Variants in SLC43A2 observed in about 807,000 individuals in gnomAD.
SLC43A2 encodes the protein solute carrier family 43 member 2, also known as large neutral amino acids transporter small subunit 4.
In SLC43A2, 38 loss-of-function variants were observed where a neutral mutation model predicts 63.2. The ratio of observed to expected loss-of-function variants is 0.60; its 90% CI spans 0.46 to 0.79. The LOEUF (loss-of-function observed/expected upper bound fraction) is 0.79, where lower values mean the gene tolerates loss of function less well. Among genes scored for constraint, SLC43A2 ranks in the 30% least tolerant of loss-of-function variants. The probability of loss-of-function intolerance (pLI) is 0.00; values close to 1 mark genes in which losing one functional copy is unlikely to be tolerated. For synonymous variants in SLC43A2, 322 were observed against 331.0 expected, an observed-to-expected ratio of 0.97 and a Z score of 0.30; for missense variants, 644 against 756.2, an observed-to-expected ratio of 0.85 and a Z score of 1.74.
chr17:1,591,204 T>C, intron 8 of SLC43A2, 65 bp downstream of exon 8: 5 of 1,568,370 alleles, frequency 3.2e-6, no homozygotes, highest in Non-Finnish European at 4.3e-6. Context: ...GAGGTGGGAA[T>C]GGGGTGAGCC....
chr17:1,591,299 G>A lies in SLC43A2; in HGVS notation c.901C>T (p.Leu301=). Residue 301 remains leucine (L), a synonymous_variant, in exon 8 of 14, where the codon CTG becomes TTG. Transcript: ENST00000301335. ...GHKLCLSTVD[L]EVKCQPDAAV... is the part of the protein sequence containing the mutation. ...GCATCCGGCTGGCACTTCACCTCCA[G>A]GTCGACGGTGGACAGGCACAGCTTG... 3.1e-6 allele frequency: 5 copies of A among 1,606,592 alleles called. No individual in the cohort carries two copies. The highest frequency in any genetic ancestry group is 4.2e-6 in the Non-Finnish European group (5 of 1,179,922).
chr17:1,621,536 C>T (rs1908155560), intron 2 of SLC43A2, among the ~76,000 whole-genome samples: 1 of 152,236 alleles, frequency 6.6e-6, no homozygotes, highest in Non-Finnish European at 1.5e-5. Flanking sequence ...GAGCAAACAA[C>T]AGGCAGGAGG....
chr17:1,594,707 C>T (rs1038410993), intron 5 of SLC43A2, among the ~76,000 whole-genome samples: 8 of 149,370 alleles, frequency 5.4e-5, no homozygotes, highest in African/African-American at 1.7e-4. Context: ...CCTGCCTCAG[C>T]CTCCCGTGTA....
At chr17:1,600,746 CAG>C (rs1905919123) in intron 5 of SLC43A2, among the ~76,000 whole-genome samples, 1 of 151,610 alleles carries the variant, frequency 6.6e-6, no homozygotes, top group Non-Finnish European at 1.5e-5. Flanking sequence ...TTAGTAGAGA[CAG>C]GGTTTCACCA....
rs531386768 is a variant in SLC43A2, at chr17:1,616,728, C to T, written c.202G>A (p.Gly68Arg). 1.1e-5 allele frequency: 17 copies of T among 1,614,114 alleles called. No individual in the cohort carries two copies. In the South Asian group the frequency reaches 1.8e-4, roughly 17 times the overall value. ...NGTVGGTAEPGHEEVSWMNGW... is the reference protein window; with the variant it reads ...NGTVGGTAEPRHEEVSWMNGW... ...TTCATCCAGCTCACCTCCTCGTGCCCCGGCTCTGCTGTGCCGCCCACTGTG... is the reference window on the plus strand; with the variant it reads ...TTCATCCAGCTCACCTCCTCGTGCCTCGGCTCTGCTGTGCCGCCCACTGTG... The change falls in exon 3 of 14, where the codon GGG becomes AGG. Residue 68 changes from glycine (G) to arginine (R), a missense_variant. Physicochemically the swap from Gly to Arg is moderately radical, Grantham distance 125. Around this residue, in one of 3 missense-constraint regions of SLC43A2, gnomAD observed 528 missense variants for 623.6 expected, o/e 0.85. Transcript: ENST00000301335.
At chr17:1,608,739 G>A (rs1180707034) in intron 5 of SLC43A2, among the ~76,000 whole-genome samples, 3 of 152,132 alleles carry the variant, frequency 2.0e-5, no homozygotes, top group Non-Finnish European at 2.9e-5. Context: ...AGAGGCCAGT[G>A]AAAGTAATGG....
chr17:1,589,019 C>T (rs1202572453), intron 9 of SLC43A2, among the ~76,000 whole-genome samples: 1 of 152,252 alleles, frequency 6.6e-6, no homozygotes, highest in East Asian at 1.9e-4. Context: ...CTGCAGCTGC[C>T]TCTCGGCCGG....
chr17:1,598,769 T>C (rs58385643), intron 5 of SLC43A2, among the ~76,000 whole-genome samples: 13,818 of 152,096 alleles, frequency 0.091, 1,399 homozygotes, highest in East Asian at 0.33. Context: ...AGATCCAGGA[T>C]GGGGAAGAGC....
At chr17:1,592,541 A>G (rs1904917670) in intron 6 of SLC43A2, among the ~76,000 whole-genome samples, 1 of 152,104 alleles carries the variant, frequency 6.6e-6, no homozygotes, top group African/African-American at 2.4e-5. Context: ...CACCACTTCA[A>G]TGCCCAGGTG....
chr17:1,594,637 T>G (rs11870396), intron 5 of SLC43A2, among the ~76,000 whole-genome samples: 127,319 of 134,100 alleles, frequency 0.95, 60,574 homozygotes, highest in South Asian at 0.99. Flanking sequence ...GCCCAGGCTG[T>G]ACTGCAGTGG....
intron 2 of SLC43A2, among the ~76,000 whole-genome samples, chr17:1,618,223 G>C (rs1400877981): frequency 6.6e-6 from 1 of 152,246 alleles, no homozygotes; most frequent in Non-Finnish European, 1.5e-5. Flanking sequence ...CGTGGAACTG[G>C]AATCTGGTTT....
At chr17:1,594,811 AT>A (rs1231798005) in intron 5 of SLC43A2, among the ~76,000 whole-genome samples, 2 of 151,474 alleles carry the variant, frequency 1.3e-5, no homozygotes, top group Non-Finnish European at 2.9e-5. Context: ...GATGGTCTGG[AT>A]CTCCTGACCT....
chr17:1,620,272 G>A (rs1185229856), intron 2 of SLC43A2, among the ~76,000 whole-genome samples: 2 of 152,184 alleles, frequency 1.3e-5, no homozygotes, highest in African/African-American at 4.8e-5. Flanking sequence ...GGAGGCTGAG[G>A]CAGGAGAATC....
Position 1,586,160 on chromosome 17 carries a change from C to A in SLC43A2, c.1079-109G>T, listed in dbSNP as rs986156311. On this transcript the variant is annotated intron_variant, in intron 9 of 13. Coordinates refer to ENST00000301335, the MANE Select transcript of SLC43A2 (RefSeq NM_152346.3). ...TCCCCACAGGCTCTTCTGGGGTCTG[C>A]CCCAGAACCCCCTGTCACTATGGGT... is the stretch of plus-strand genomic sequence containing the variant. The A allele has an allele frequency of 1.2e-5, 17 of 1,432,788 alleles. No individual in the cohort carries two copies. In the South Asian group the frequency reaches 2.3e-4, roughly 20 times the overall value. The allele number at this position is 1,432,788 out of a possible 1,614,324, so 88.8% of individuals were successfully genotyped here.
At chr17:1,587,846 TA>T (rs1197847977) in intron 9 of SLC43A2, among the ~76,000 whole-genome samples, 1 of 152,214 alleles carries the variant, frequency 6.6e-6, no homozygotes, top group African/African-American at 2.4e-5. Flanking sequence ...GGCCCCTGAC[TA>T]GGGGGTGGGG....
chr17:1,629,735 C>T (rs1419352566), upstream of SLC43A2, among the ~76,000 whole-genome samples: 1 of 152,250 alleles, frequency 6.6e-6, no homozygotes, highest in African/African-American at 2.4e-5. Context: ...AAGGTCCCCT[C>T]TGCAGGGCGA....
In SLC43A2 at chr17:1,576,646, TGCTGCAGAAGGGCGAAGAGCGC is replaced by T; in HGVS notation, c.1477_1498del (p.Ala493SerfsTer7). 1 of 1,610,896 alleles carries T rather than the reference TGCTGCAGAAGGGCGAAGAGCGC, an allele frequency of 6.2e-7. No individual in the cohort carries two copies. Among genetic ancestry groups the T allele is most frequent in the South Asian group, 1.1e-5 (1 of 91,064 alleles). The stretch of plus-strand genomic sequence containing the variant: ...ACCCATCATGGCCAGAAACAGCGGC[TGCTGCAGAAGGGCGAAGAGCGC>T]GCTGATCAGAGACTGCAGTCCCGTG... On this transcript the variant is annotated frameshift_variant, in exon 13 of 14. Transcript: ENST00000301335. LOFTEE classifies it high-confidence loss of function.
chr17:1,583,403 T>A lies in SLC43A2; in HGVS notation c.1218-67A>T, dbSNP rs1323337622. On this transcript the variant is annotated intron_variant, in intron 10 of 13. Transcript: ENST00000301335. This position sits in a 1 kb window ranked among gnomAD's most constrained non-coding sequence, Gnocchi z 5.5. ...GAGGAAGCCGGGTGCTCCTGAGAAG[T>A]CAGGCCTCAAGCGTCGCAGCAGGTA... The A allele has an allele frequency of 1.9e-6, 3 of 1,597,296 alleles. No individual in the cohort carries two copies. Among genetic ancestry groups the A allele is most frequent in the Non-Finnish European group, 2.6e-6 (3 of 1,169,174 alleles).
chr17:1,627,443 C>T (rs1384558668), intron 2 of SLC43A2, among the ~76,000 whole-genome samples: 1 of 152,154 alleles, frequency 6.6e-6, no homozygotes, highest in Non-Finnish European at 1.5e-5. Flanking sequence ...GAAGGAACAC[C>T]CTGGACAGCA....
Sources: gnomAD v4.1 joint callset for allele counts (sites outside exome capture counted in the v4.1 genomes callset) on GRCh38, gnomAD v4.1.1 for gene constraint, gnomAD v4.1.1 regional missense constraint, Gnocchi (gnomAD v3.1) non-coding constraint, MANE v1.5 for transcripts, NCBI Gene and HGNC (gene_info 2026-07-23, HGNC 2026-07-21) for gene names.